Variants in PCAT7 observed in about 807,000 individuals in gnomAD.
The protein encoded by PCAT7 is prostate cancer associated transcript 7.
intron 2 of PCAT7, chr9:94,559,176 A>G: frequency 5.1e-6 from 8 of 1,561,164 alleles, no homozygotes; most frequent in Non-Finnish European, 6.1e-6. Flanking sequence ...GCAAGTGGCC[A>G]AATGTCCCGA....
chr9:94,558,536 G>A (rs578259916), intron 1 of PCAT7, among the ~76,000 whole-genome samples: 10 of 152,218 alleles, frequency 6.6e-5, no homozygotes, highest in East Asian at 3.9e-4. Flanking sequence ...CCCGTGATCC[G>A]CTGGCCTCGG....
intron 2 of PCAT7, chr9:94,571,563 A>G (rs1467899701): frequency 6.2e-7 from 1 of 1,613,964 alleles, no homozygotes; most frequent in Non-Finnish European, 8.5e-7. Flanking sequence ...TTGCGGCCAC[A>G]CTGCAGGGCA....
chr9:94,554,901 G>C (rs936817431), upstream of PCAT7, among the ~76,000 whole-genome samples: 1 of 152,146 alleles, frequency 6.6e-6, no homozygotes, highest in Non-Finnish European at 1.5e-5. Flanking sequence ...ACGCGCCGCT[G>C]CCTCAGCATG....
chr9:94,554,892 CG>C (rs1564176204), upstream of PCAT7, among the ~76,000 whole-genome samples: 1 of 152,132 alleles, frequency 6.6e-6, no homozygotes, highest in Non-Finnish European at 1.5e-5. Flanking sequence ...CCAGAAATGA[CG>C]CGCCGCTGCC....
At chr9:94,565,257 C>A (rs1827168379) in intron 2 of PCAT7, among the ~76,000 whole-genome samples, 1 of 151,550 alleles carries the variant, frequency 6.6e-6, no homozygotes, top group African/African-American at 2.4e-5. Context: ...AGGCTGTAAT[C>A]CCAGCTACTC....
At position 94,559,157 on chromosome 9, in the gene PCAT7, G is replaced by A. The variant is rs371168460; in HGVS notation, n.441+5G>A. 430 of 1,598,098 alleles carry A rather than the reference G, an allele frequency of 2.7e-4. 7 individuals carry two copies. In the Middle Eastern group the frequency reaches 7.5e-3, roughly 28 times the overall value. On this transcript the variant is annotated splice_donor_5th_base_variant and intron_variant and non_coding_transcript_variant, in intron 2 of 8. Coordinates refer to ENST00000647389, the Ensembl canonical transcript of PCAT7. ...GCTGTGGAGGAACAGAGGCAGGTGA[G>A]TAAACTCTGCAAGTGGCCAAATGTC...
At position 94,559,312 on chromosome 9, in the gene PCAT7, G is replaced by A. The variant is rs371689968; in HGVS notation, n.441+160G>A. On this transcript the variant is annotated intron_variant and non_coding_transcript_variant, in intron 2 of 8. Coordinates refer to ENST00000647389, the Ensembl canonical transcript of PCAT7. ...AGCCTACAGCAGGCCAGATGCATCAGATGGCACTCATCCAGAAGCCTTGGG... is the reference window on the plus strand; with the variant it reads ...AGCCTACAGCAGGCCAGATGCATCAAATGGCACTCATCCAGAAGCCTTGGG... 5.2e-3 allele frequency among the ~76,000 whole-genome samples: 788 copies of A among 152,326 alleles called. 5 individuals carry two copies. Among genetic ancestry groups the A allele is most frequent in the Middle Eastern group, 0.01 (3 of 294 alleles).
At chr9:94,570,798 C>G (rs1027500503) in intron 2 of PCAT7, 12 of 152,216 alleles carry the variant, frequency 7.9e-5, no homozygotes, top group Non-Finnish European at 1.6e-4. Flanking sequence ...GCAAACCCCT[C>G]TCTCCACACA....
At chr9:94,572,422 A>G (rs969928538) in intron 2 of PCAT7, among the ~76,000 whole-genome samples, 1 of 152,164 alleles carries the variant, frequency 6.6e-6, no homozygotes, top group African/African-American at 2.4e-5. Flanking sequence ...GAAACCTAGA[A>G]CTGGAGTACA....
intron 2 of PCAT7, among the ~76,000 whole-genome samples, chr9:94,561,314 G>A (rs989645062): frequency 3.4e-5 from 5 of 147,006 alleles, no homozygotes; most frequent in Admixed American, 1.4e-4. Context: ...AGGGCTTCAT[G>A]GCACCTTGGC....
intron 2 of PCAT7, among the ~76,000 whole-genome samples, chr9:94,572,702 CACACACACACAACACACACATGAGTTT>C (rs1302493074): frequency 2.0e-5 from 3 of 151,834 alleles, no homozygotes; most frequent in Non-Finnish European, 2.9e-5. Flanking sequence ...ATTTAATTCA[CACACACACACAACACACACATGAGTTT>C]ACACACACAC....
intron 2 of PCAT7, among the ~76,000 whole-genome samples, chr9:94,571,290 G>T (rs1290684243): frequency 6.6e-6 from 1 of 152,178 alleles, no homozygotes; most frequent in Non-Finnish European, 1.5e-5. Context: ...CTGGGACAGA[G>T]GCCCTTCATG....
intron 1 of PCAT7, among the ~76,000 whole-genome samples, chr9:94,556,369 G>A (rs1352753920): frequency 6.6e-6 from 1 of 152,018 alleles, no homozygotes; most frequent in Admixed American, 6.6e-5. Flanking sequence ...GTGAGCGGGA[G>A]AGTAGAGAAG....
intron 2 of PCAT7, chr9:94,559,252 A>C: frequency 1.3e-6 from 1 of 792,070 alleles, no homozygotes. Flanking sequence ...GCATGAGCGC[A>C]CCATGCACCT....
intron 2 of PCAT7, chr9:94,571,572 C>T: frequency 2.5e-6 from 4 of 1,613,658 alleles, no homozygotes; most frequent in African/African-American, 1.3e-5. Flanking sequence ...CACTGCAGGG[C>T]ATCCTTTTCA....
At chr9:94,568,444 A>T (rs1827225457) in intron 2 of PCAT7, 1 of 152,216 alleles carries the variant, frequency 6.6e-6, no homozygotes, top group Non-Finnish European at 1.5e-5. Flanking sequence ...CTTGTGGCAG[A>T]TACCACCTTA....
At chr9:94,556,947 G>T (rs1391928609) in intron 1 of PCAT7, among the ~76,000 whole-genome samples, 1 of 152,168 alleles carries the variant, frequency 6.6e-6, no homozygotes, top group Non-Finnish European at 1.5e-5. Context: ...TGTCCTTCCC[G>T]AATGTGTGTT....
At chr9:94,560,475 C>A (rs532680484) in intron 2 of PCAT7, among the ~76,000 whole-genome samples, 1 of 152,246 alleles carries the variant, frequency 6.6e-6, no homozygotes, top group East Asian at 1.9e-4. Context: ...CGAGGCCCTG[C>A]TGCTGTGCAT....
chr9:94,559,893 C>T (rs964043171), intron 2 of PCAT7, among the ~76,000 whole-genome samples: 16 of 151,926 alleles, frequency 1.1e-4, no homozygotes, highest in Non-Finnish European at 2.2e-4. Context: ...TTTGGGAGGC[C>T]GAGGCAAAAG....
Sources: allele counts gnomAD v4.1 joint callset (sites outside exome capture counted in the v4.1 genomes callset), GRCh38; gene constraint gnomAD v4.1.1; transcripts MANE v1.5; gene names NCBI Gene and HGNC (gene_info 2026-07-23, HGNC 2026-07-21).